Variants in FRMD5 observed in about 807,000 individuals in gnomAD.
The protein encoded by FRMD5 is FERM domain containing 5.
A neutral mutation model predicts 69.0 loss-of-function variants in FRMD5; 20 were observed. That is an observed-to-expected ratio of 0.29 (90% CI 0.20 to 0.42). The LOEUF is 0.42. FRMD5 is among the 10% of genes least tolerant of loss of function. The pLI, the probability that FRMD5 is intolerant of heterozygous loss-of-function variation, is 1.00. For synonymous variants in FRMD5, 271 were observed against 260.1 expected, an observed-to-expected ratio of 1.04 and a Z score of -0.40; for missense variants, 595 against 708.6, an observed-to-expected ratio of 0.84 and a Z score of 1.82.
intron 1 of FRMD5, among the ~76,000 whole-genome samples, chr15:43,958,164 C>T (rs190013136): frequency 9.9e-5 from 15 of 152,146 alleles, no homozygotes; most frequent in African/African-American, 3.6e-4. Context: ...CAAATAATGA[C>T]TCATTTGTGC....
At chr15:43,990,402 T>C (rs950387251) in intron 1 of FRMD5, among the ~76,000 whole-genome samples, 3 of 152,232 alleles carry the variant, frequency 2.0e-5, no homozygotes, top group Non-Finnish European at 4.4e-5. Flanking sequence ...AAATTTCTTT[T>C]CTCATTATTT....
At chr15:43,905,761 C>T (rs1340558385) in intron 6 of FRMD5, 67 bp downstream of exon 6, 17 of 1,587,870 alleles carry the variant, frequency 1.1e-5, no homozygotes, top group Admixed American at 5.1e-5. Context: ...GAGGACACGG[C>T]GTGGAGCCTG....
At chr15:44,059,204 T>A (rs1892992350) in intron 1 of FRMD5, among the ~76,000 whole-genome samples, 1 of 152,118 alleles carries the variant, frequency 6.6e-6, no homozygotes. Context: ...ATATACAAGG[T>A]ATTATCTTAA....
intron 1 of FRMD5, among the ~76,000 whole-genome samples, chr15:44,084,848 T>A (rs1894131575): frequency 1.3e-5 from 2 of 152,152 alleles, no homozygotes; most frequent in African/African-American, 4.8e-5. Context: ...CAACAATACA[T>A]CCCTGAGCTA....
intron 1 of FRMD5, among the ~76,000 whole-genome samples, chr15:44,163,762 G>C (rs1365073067): frequency 6.6e-6 from 1 of 152,046 alleles, no homozygotes; most frequent in East Asian, 1.9e-4. Context: ...ACTTCTGCAG[G>C]GTCTCAGGAA....
chr15:43,934,324 G>A (rs190106830), intron 1 of FRMD5, among the ~76,000 whole-genome samples: 3 of 152,312 alleles, frequency 2.0e-5, no homozygotes, highest in Admixed American at 1.3e-4. Context: ...TTCCCTTTCT[G>A]TGCCTCAGTT....
At chr15:43,895,526 C>G (rs1443678357) in intron 7 of FRMD5, among the ~76,000 whole-genome samples, 1 of 152,238 alleles carries the variant, frequency 6.6e-6, no homozygotes, top group Non-Finnish European at 1.5e-5. Context: ...ACCAGACTGG[C>G]TGCTTTAGAG....
At chr15:44,003,779 C>T (rs1402176748) in intron 1 of FRMD5, among the ~76,000 whole-genome samples, 1 of 152,206 alleles carries the variant, frequency 6.6e-6, no homozygotes, top group African/African-American at 2.4e-5. Flanking sequence ...TCTATGTTTT[C>T]GTATTCTACA....
rs984664640 is a variant in FRMD5 at position 43,873,726 on chromosome 15, T to C, written c.*159A>G. 13 of 1,517,994 alleles carry C rather than the reference T, an allele frequency of 8.6e-6. No individual in the cohort carries two copies. In the Admixed American group the frequency reaches 3.0e-4, roughly 34 times the overall value. The allele number at this position is 1,517,994 out of a possible 1,614,324, so 94.0% of individuals were successfully genotyped here. A position where few individuals can be genotyped will look rare whatever the true frequency, so the allele number is the denominator to read the frequency against. ...GACAGGGCATGAGCCTATCCCTTTC[T>C]TCTTCTGGGAAACACCCTCCTAGGC... is the stretch of plus-strand genomic sequence containing the variant. On this transcript the variant is annotated 3_prime_UTR_variant, in exon 14 of 14. Coordinates refer to ENST00000417257, the MANE Select transcript of FRMD5 (RefSeq NM_032892.5).
At chr15:44,020,041 T>G (rs1394637631) in intron 1 of FRMD5, among the ~76,000 whole-genome samples, 3 of 152,082 alleles carry the variant, frequency 2.0e-5, no homozygotes, top group Non-Finnish European at 4.4e-5. Context: ...TGAAACAAAT[T>G]ATCTATATAC....
intron 1 of FRMD5, among the ~76,000 whole-genome samples, chr15:43,937,614 C>T (rs2089783128): frequency 6.9e-6 from 1 of 145,774 alleles, no homozygotes; most frequent in African/African-American, 2.6e-5. Context: ...CTCTGCACTC[C>T]AGCCTGGGTG....
chr15:44,153,822 G>C (rs2077484005), intron 1 of FRMD5, among the ~76,000 whole-genome samples: 1 of 152,142 alleles, frequency 6.6e-6, no homozygotes, highest in African/African-American at 2.4e-5. Flanking sequence ...TCAGAAATTA[G>C]CCGGGCATAA....
upstream of FRMD5, among the ~76,000 whole-genome samples, chr15:44,196,750 CTT>C (rs1491351537): frequency 4.2e-3 from 279 of 67,134 alleles, 1 homozygote; most frequent in African/African-American, 5.9e-3. Flanking sequence ...CTCTCTCTCT[CTT>C]TCTCTCTCTC....
At chr15:44,119,408 C>T (rs2076915438) in intron 1 of FRMD5, among the ~76,000 whole-genome samples, 1 of 152,170 alleles carries the variant, frequency 6.6e-6, no homozygotes, top group Admixed American at 6.5e-5. Context: ...GTGACACTAC[C>T]CACCATAACT....
chr15:44,006,056 T>C (rs1890432526), intron 1 of FRMD5, among the ~76,000 whole-genome samples: 1 of 152,210 alleles, frequency 6.6e-6, no homozygotes, highest in African/African-American at 2.4e-5. Flanking sequence ...CTTTCATAGA[T>C]GGAGTAAAGT....
intron 1 of FRMD5, among the ~76,000 whole-genome samples, chr15:44,036,573 G>GA (rs1330308609): frequency 1.4e-4 from 22 of 152,172 alleles, no homozygotes; most frequent in Admixed American, 6.5e-5. Context: ...AAATGGAGCT[G>GA]AAAATTGTAG....
chr15:44,049,642 C>T (rs1228021931), intron 1 of FRMD5, among the ~76,000 whole-genome samples: 1 of 152,230 alleles, frequency 6.6e-6, no homozygotes, highest in South Asian at 2.1e-4. Context: ...ATAGGTAGAA[C>T]TAGAATATCT....
At chr15:44,053,725 C>A (rs1330569547) in intron 1 of FRMD5, among the ~76,000 whole-genome samples, 1 of 152,062 alleles carries the variant, frequency 6.6e-6, no homozygotes, top group East Asian at 1.9e-4. Context: ...GGGAAGTCCA[C>A]GAGCGCAGTT....
intron 7 of FRMD5, among the ~76,000 whole-genome samples, chr15:43,900,970 T>C (rs116978019): frequency 0.014 from 2,125 of 152,274 alleles, 18 homozygotes; most frequent in Middle Eastern, 0.024. Context: ...TATGTTGACA[T>C]TGTAACCCTC....
Sources: gnomAD v4.1 joint callset for allele counts (sites outside exome capture counted in the v4.1 genomes callset) on GRCh38, gnomAD v4.1.1 for gene constraint, MANE v1.5 for transcripts, NCBI Gene and HGNC (gene_info 2026-07-23, HGNC 2026-07-21) for gene names.